Variants in VWA8 observed in about 807,000 individuals in gnomAD.
VWA8 encodes von Willebrand factor A domain-containing protein 8.
Under a neutral mutation model 241.5 loss-of-function variants are expected in VWA8, and 221 were observed. The observed-to-expected ratio is 0.91, with a 90% CI of 0.82 to 1.02. The LOEUF is 1.02. VWA8 is among the 50% of genes least tolerant of loss of function. The probability of loss-of-function intolerance (pLI) is 0.00; values close to 1 mark genes in which losing one functional copy is unlikely to be tolerated. For missense variants in VWA8, 2,322 were observed against 2,328.7 expected, an observed-to-expected ratio of 1.00 and a Z score of 0.06; for synonymous variants, 852 against 827.1, an observed-to-expected ratio of 1.03 and a Z score of -0.52.
chr13:41,910,167 C>T (rs568916530), intron 3 of VWA8, among the ~76,000 whole-genome samples: 4 of 152,242 alleles, frequency 2.6e-5, no homozygotes, highest in South Asian at 2.1e-4. Context: ...TTTGAACCAA[C>T]GAGGCTTCTC....
chr13:41,859,235 C>T (rs1247092092), intron 12 of VWA8, among the ~76,000 whole-genome samples: 3 of 151,826 alleles, frequency 2.0e-5, no homozygotes, highest in African/African-American at 7.3e-5. Flanking sequence ...GCAATGAATC[C>T]AAGACACAGA....
intron 8 of VWA8, among the ~76,000 whole-genome samples, chr13:41,885,609 A>G (rs746828394): frequency 6.6e-6 from 1 of 152,210 alleles, no homozygotes; most frequent in Non-Finnish European, 1.5e-5. Context: ...TCAGGTAAGG[A>G]CAGCTCTGAG....
chr13:41,885,503 G>A (rs1392052063), intron 8 of VWA8, among the ~76,000 whole-genome samples: 3 of 152,242 alleles, frequency 2.0e-5, no homozygotes, highest in Non-Finnish European at 4.4e-5. Context: ...CATGCTGGGA[G>A]AGCAGTTAGT....
chr13:41,765,560 T>G (rs1243570840), intron 20 of VWA8, among the ~76,000 whole-genome samples: 7 of 152,202 alleles, frequency 4.6e-5, no homozygotes, highest in Non-Finnish European at 1.0e-4. Flanking sequence ...TTGCCTAGAA[T>G]AGAGAATCCT....
chr13:41,781,396 A>G (rs911660347), intron 19 of VWA8, among the ~76,000 whole-genome samples: 5 of 152,056 alleles, frequency 3.3e-5, no homozygotes, highest in African/African-American at 7.2e-5. Context: ...TGGTTGACCA[A>G]TTTTCTATGA....
At chr13:41,893,419 T>G (rs895582040) in intron 4 of VWA8, among the ~76,000 whole-genome samples, 3 of 151,606 alleles carry the variant, frequency 2.0e-5, no homozygotes, top group African/African-American at 7.3e-5. Context: ...AATATTTTAA[T>G]TCTCTTCTAC....
chr13:41,797,061 T>G (rs1236292635), intron 17 of VWA8, among the ~76,000 whole-genome samples: 2 of 152,168 alleles, frequency 1.3e-5, no homozygotes, highest in African/African-American at 4.8e-5. Flanking sequence ...GACAGAGTCT[T>G]GCTCTGTCAT....
chr13:41,696,311 T>A (rs2045215538), intron 29 of VWA8, among the ~76,000 whole-genome samples: 1 of 152,196 alleles, frequency 6.6e-6, no homozygotes, highest in Non-Finnish European at 1.5e-5. Context: ...AGGACTAAAG[T>A]TAAAGTTGAC....
chr13:41,746,409 T>C (rs1180459907), intron 21 of VWA8, among the ~76,000 whole-genome samples: 1 of 152,146 alleles, frequency 6.6e-6, no homozygotes, highest in African/African-American at 2.4e-5. Flanking sequence ...ACCACACCAC[T>C]TGCTGGCATC....
At chr13:41,850,344 G>A (rs1872477188) in intron 12 of VWA8, among the ~76,000 whole-genome samples, 1 of 152,120 alleles carries the variant, frequency 6.6e-6, no homozygotes, top group Admixed American at 6.5e-5. Context: ...GTAGTTCCCT[G>A]TGGACCCAGT....
intron 9 of VWA8, among the ~76,000 whole-genome samples, chr13:41,878,518 G>T (rs1009820225): frequency 6.6e-6 from 1 of 151,540 alleles, no homozygotes; most frequent in Non-Finnish European, 1.5e-5. Flanking sequence ...CAAAAAGAAA[G>T]TACTTCATTA....
At chr13:41,604,016 C>T (rs532163310) in intron 40 of VWA8, among the ~76,000 whole-genome samples, 5 of 152,124 alleles carry the variant, frequency 3.3e-5, no homozygotes, top group Admixed American at 2.0e-4. Flanking sequence ...TGGTGTGCAT[C>T]GAGAACTTAA....
intron 26 of VWA8, among the ~76,000 whole-genome samples, chr13:41,710,353 A>G (rs2045308494): frequency 6.6e-6 from 1 of 152,188 alleles, no homozygotes; most frequent in Non-Finnish European, 1.5e-5. Context: ...ATCCAGAATC[A>G]TTCTGTGCTA....
chr13:41,672,242 A>G (rs2045030909), intron 36 of VWA8, among the ~76,000 whole-genome samples: 1 of 152,206 alleles, frequency 6.6e-6, no homozygotes, highest in South Asian at 2.1e-4. Flanking sequence ...AGGAATGTAT[A>G]GATTTCTTAC....
chr13:41,898,494 A>C (rs928721897), intron 4 of VWA8, among the ~76,000 whole-genome samples: 2 of 152,192 alleles, frequency 1.3e-5, no homozygotes, highest in Non-Finnish European at 2.9e-5. Flanking sequence ...TCCCCACCAG[A>C]CTCAGGAGCC....
intron 12 of VWA8, among the ~76,000 whole-genome samples, chr13:41,842,134 G>A (rs1260934314): frequency 6.6e-6 from 1 of 151,922 alleles, no homozygotes; most frequent in Non-Finnish European, 1.5e-5. Flanking sequence ...ATTAGTGGCA[G>A]CAGAATGCTA....
intron 1 of VWA8, among the ~76,000 whole-genome samples, chr13:41,951,288 G>A (rs1256212452): frequency 1.3e-5 from 2 of 152,052 alleles, no homozygotes; most frequent in African/African-American, 2.4e-5. Context: ...GTGGTGGTAC[G>A]TACCTGTAAT....
Position 41,721,400 on chromosome 13 carries a change from T to C in VWA8, c.2934A>G (p.Arg978=), listed in dbSNP as rs1156376172. The change falls in exon 25 of 45, where the codon AGA becomes AGG. Residue 978 remains arginine (R), a synonymous_variant. Coordinates refer to ENST00000379310, the MANE Select transcript of VWA8 (RefSeq NM_015058.2). ...QGIINYPYST[R]EVVNIVKHLQ... ...AATGTTTGACTATGTTGACAACTTC[T>C]CTGGTAGAATAAGGATAGTTAATAA... 2 of 1,613,694 alleles carry C rather than the reference T, an allele frequency of 1.2e-6. No homozygotes were observed. The highest frequency in any genetic ancestry group is 2.7e-5 in the African/African-American group (2 of 74,876).
Position 41,778,007 on chromosome 13 carries a change from T to G in VWA8, c.2327A>C (p.His776Pro). ...CACCTGGTTGCCAACCAATAATAAG[T>G]GTTCTCCAAGGAGAAAGTCTTTCAG... ...DMLKDFLLGE[H>P]LLLVGNQGVG... Residue 776 changes from histidine (H) to proline (P), a missense_variant, in exon 20 of 45, where the codon CAC (histidine) becomes CCC (proline). His to Pro is a moderately conservative substitution (Grantham distance 77, BLOSUM62 -2). Transcript: ENST00000379310. 6.2e-7 allele frequency: 1 copy of G among 1,611,892 alleles called. No homozygotes were observed. Among genetic ancestry groups the G allele is most frequent in the East Asian group, 2.2e-5 (1 of 44,676 alleles).
Sources: gnomAD v4.1 joint callset for allele counts (sites outside exome capture counted in the v4.1 genomes callset) on GRCh38, gnomAD v4.1.1 for gene constraint, MANE v1.5 for transcripts, NCBI Gene and HGNC (gene_info 2026-07-23, HGNC 2026-07-21) for gene names.